LRRC4C: variants seen among roughly 807,000 people sequenced by gnomAD.
LRRC4C encodes leucine rich repeat containing 4C, also known as leucine-rich repeat-containing protein 4C.
In LRRC4C, 5 loss-of-function variants were observed where a neutral mutation model predicts 33.6. That is an observed-to-expected ratio of 0.15 (90% CI 0.08 to 0.31). The LOEUF (loss-of-function observed/expected upper bound fraction) is 0.31, where lower values mean the gene tolerates loss of function less well. Ranked by LOEUF, LRRC4C falls within the 10% of genes least tolerant of loss-of-function variation. LRRC4C has a pLI of 1.00. For synonymous variants in LRRC4C, 329 were observed against 302.0 expected (o/e 1.09, Z -0.93); for missense variants, 560 against 796.7 (o/e 0.70, Z 3.58).
chr11:40,569,579 TA>T (rs1957899620), intron 3 of LRRC4C, among the ~76,000 whole-genome samples: 1 of 152,134 alleles, frequency 6.6e-6, no homozygotes, highest in Admixed American at 6.6e-5. Context: ...TATATATATA[TA>T]TTTTAATTAA....
At chr11:41,271,137 T>C (rs1032371254) in intron 1 of LRRC4C, among the ~76,000 whole-genome samples, 6 of 152,126 alleles carry the variant, frequency 3.9e-5, no homozygotes, top group African/African-American at 9.7e-5. Context: ...GGGGACACTG[T>C]TCAATCCTCT....
At chr11:40,993,213 C>T (rs1015828962) in intron 1 of LRRC4C, among the ~76,000 whole-genome samples, 1 of 152,108 alleles carries the variant, frequency 6.6e-6, no homozygotes, top group Non-Finnish European at 1.5e-5. Context: ...GAGGGAAATA[C>T]TGACTTTGGA....
At position 40,732,377 on chromosome 11, in the gene LRRC4C, C is replaced by T. The variant is rs73473341; in HGVS notation, c.-406-84099G>A. ...TGCCAAAAATCTCAATGGTTTAAGC[C>T]GTAATTTTCTTGCTGAATGATGGTC... On this transcript the variant is annotated intron_variant, in intron 2 of 6. Coordinates refer to ENST00000528697, the MANE Select transcript of LRRC4C (RefSeq NM_001258419.2). Among the ~76,000 whole-genome samples, 128 of 152,220 alleles carry T rather than the reference C, an allele frequency of 8.4e-4. 1 individual carries two copies. Among genetic ancestry groups the T allele is most frequent in the African/African-American group, 3.0e-3 (125 of 41,552 alleles).
At chr11:40,525,221 TG>T (rs1565473355) in intron 3 of LRRC4C, among the ~76,000 whole-genome samples, 1 of 151,840 alleles carries the variant, frequency 6.6e-6, no homozygotes, top group African/African-American at 2.4e-5. Context: ...TCGAGGCAGG[TG>T]GATCATGAGG....
intron 2 of LRRC4C, among the ~76,000 whole-genome samples, chr11:40,667,368 G>A (rs1000372040): frequency 6.6e-6 from 1 of 151,956 alleles, no homozygotes; most frequent in Admixed American, 6.6e-5. Context: ...TAAGAAAATC[G>A]ATGTTCCTTC....
intron 3 of LRRC4C, among the ~76,000 whole-genome samples, chr11:40,320,517 C>CATAA (rs766495174): frequency 1.3e-5 from 2 of 151,938 alleles, no homozygotes; most frequent in African/African-American, 2.4e-5. Flanking sequence ...AAAATAAATA[C>CATAA]ATAAATAAAT....
At chr11:41,340,946 T>C (rs1951615220) in intron 1 of LRRC4C, among the ~76,000 whole-genome samples, 1 of 152,182 alleles carries the variant, frequency 6.6e-6, no homozygotes, top group Non-Finnish European at 1.5e-5. Context: ...TCTAGTAACT[T>C]TGAGGCTGTG....
intron 3 of LRRC4C, among the ~76,000 whole-genome samples, chr11:40,334,711 A>C (rs1183353453): frequency 2.6e-5 from 4 of 152,206 alleles, no homozygotes; most frequent in African/African-American, 9.6e-5. Context: ...CCAGCCAGTC[A>C]TCTGAGCGAG....
chr11:40,649,448 C>T lies in LRRC4C; in HGVS notation c.-406-1170G>A, dbSNP rs189203778. Reference sequence around the variant, plus strand: ...AAGAAAAATATGGCTCTATTCTGCCCGACCCCGCAGGCAGTCAGACCATAT... The same window carrying T: ...AAGAAAAATATGGCTCTATTCTGCCTGACCCCGCAGGCAGTCAGACCATAT... On this transcript the variant is annotated intron_variant, in intron 2 of 6. Coordinates refer to ENST00000528697, the MANE Select transcript of LRRC4C (RefSeq NM_001258419.2). Among the ~76,000 whole-genome samples the T allele has an allele frequency of 2.2e-4, 34 of 152,228 alleles. 1 individual carries two copies. In the East Asian group the frequency reaches 3.7e-3, roughly 16 times the overall value.
chr11:40,269,979 C>T (rs1267620620), intron 4 of LRRC4C, among the ~76,000 whole-genome samples: 2 of 152,096 alleles, frequency 1.3e-5, no homozygotes, highest in African/African-American at 4.8e-5. Flanking sequence ...ATAAAACCAT[C>T]CCACATGTGG....
At chr11:40,546,080 T>A (rs66508186) in intron 3 of LRRC4C, among the ~76,000 whole-genome samples, 5,171 of 60,514 alleles carry the variant, frequency 0.085, 124 homozygotes, top group East Asian at 0.25. Context: ...CTTCCTTCCT[T>A]CCTACCTTCC....
At chr11:41,420,700 G>A (rs939366710) in intron 1 of LRRC4C, among the ~76,000 whole-genome samples, 1 of 151,912 alleles carries the variant, frequency 6.6e-6, no homozygotes, top group Non-Finnish European at 1.5e-5. Flanking sequence ...TTCAATCATG[G>A]CCCCACTAAT....
intron 3 of LRRC4C, among the ~76,000 whole-genome samples, chr11:40,410,977 T>C (rs139643429): frequency 3.3e-5 from 5 of 152,180 alleles, no homozygotes; most frequent in Non-Finnish European, 7.4e-5. Flanking sequence ...ACATCTTACT[T>C]AAGTAGGTTT....
chr11:40,948,104 A>G (rs1163024924), intron 1 of LRRC4C, among the ~76,000 whole-genome samples: 3 of 152,116 alleles, frequency 2.0e-5, no homozygotes, highest in Non-Finnish European at 4.4e-5. Context: ...AATGGCTCAA[A>G]GGAAGCCTGG....
chr11:40,921,854 A>G (rs1167936798), intron 2 of LRRC4C, among the ~76,000 whole-genome samples: 1 of 152,216 alleles, frequency 6.6e-6, no homozygotes, highest in Non-Finnish European at 1.5e-5. Flanking sequence ...GTAAATTTGC[A>G]TCAATGATCT....
chr11:40,765,722 A>T (rs749718184), intron 2 of LRRC4C, among the ~76,000 whole-genome samples: 63 of 152,026 alleles, frequency 4.1e-4, no homozygotes, highest in Non-Finnish European at 8.8e-4. Context: ...AGCAGAATTG[A>T]TCAAGCAGAA....
chr11:40,436,924 G>T (rs956220482), intron 3 of LRRC4C, among the ~76,000 whole-genome samples: 2 of 152,140 alleles, frequency 1.3e-5, no homozygotes, highest in African/African-American at 4.8e-5. Flanking sequence ...GAGAAAAATG[G>T]CTCAGACCTC....
At position 41,046,510 on chromosome 11, in the gene LRRC4C, T is replaced by G. The variant is rs554215863; in HGVS notation, c.-495-112787A>C. On this transcript the variant is annotated intron_variant, in intron 1 of 6. Coordinates refer to ENST00000528697, the MANE Select transcript of LRRC4C (RefSeq NM_001258419.2). Reference sequence around the variant, plus strand: ...GAGGAAAAGAGATTAAAGACATCACTCTTGTTAAAAATGTTATAATGATTG... The same window carrying G: ...GAGGAAAAGAGATTAAAGACATCACGCTTGTTAAAAATGTTATAATGATTG... Among the ~76,000 whole-genome samples, 5 of 152,240 alleles carry G rather than the reference T, an allele frequency of 3.3e-5. No homozygotes were observed. The East Asian group carries it at 9.6e-4, about 29-fold the overall frequency.
intron 3 of LRRC4C, among the ~76,000 whole-genome samples, chr11:40,461,279 A>C (rs964907456): frequency 1.1e-4 from 16 of 152,188 alleles, no homozygotes; most frequent in African/African-American, 3.4e-4. Flanking sequence ...ACTAAGCTTC[A>C]TCTGGGATTG....
Sources: allele counts gnomAD v4.1 joint callset (sites outside exome capture counted in the v4.1 genomes callset), GRCh38; gene constraint gnomAD v4.1.1; transcripts MANE v1.5; gene names NCBI Gene and HGNC (gene_info 2026-07-23, HGNC 2026-07-21).